BTBD7: variants seen among roughly 807,000 people sequenced by gnomAD.
The protein encoded by BTBD7 is BTB/POZ domain-containing protein 7.
Under a neutral mutation model 99.9 loss-of-function variants are expected in BTBD7, and 38 were observed. That is an observed-to-expected ratio of 0.38 (90% CI 0.29 to 0.50). The LOEUF is 0.50. BTBD7 is among the 20% of genes least tolerant of loss of function. The pLI is 0.93. For missense variants in BTBD7, 1,170 were observed against 1,394.6 expected (o/e 0.84, Z 2.57); for synonymous variants, 520 against 511.4 (o/e 1.02, Z -0.23).
chr14:93,312,065 T>C (rs752704719), intron 1 of BTBD7, among the ~76,000 whole-genome samples: 19 of 152,186 alleles, frequency 1.2e-4, no homozygotes, highest in Non-Finnish European at 2.4e-4. Flanking sequence ...TTATACAACA[T>C]TTTACATTCC....
intron 1 of BTBD7, among the ~76,000 whole-genome samples, chr14:93,318,705 G>A (rs1428671394): frequency 6.6e-6 from 1 of 152,198 alleles, no homozygotes. Context: ...GCACTTGAAT[G>A]AGGTTTACAT....
At chr14:93,269,421 CT>C (rs1334895182) in intron 3 of BTBD7, among the ~76,000 whole-genome samples, 5 of 152,144 alleles carry the variant, frequency 3.3e-5, no homozygotes, top group Non-Finnish European at 7.3e-5. Flanking sequence ...TGGACAAGTC[CT>C]GTAGGTACGA....
In BTBD7 at chr14:93,322,614, T is replaced by C. The variant is rs191512174; in HGVS notation, c.-107+10206A>G. Among the ~76,000 whole-genome samples the C allele has an allele frequency of 2.0e-4, 31 of 152,182 alleles. 1 individual carries two copies. In the East Asian group the frequency reaches 3.3e-3, roughly 16 times the overall value. On this transcript the variant is annotated intron_variant, in intron 1 of 10. Transcript: ENST00000334746. ...GCATTTACTTAATTTTCAAAGTGGA[T>C]AGAGAAATATAAAATGAGTAATTTT...
intron 3 of BTBD7, among the ~76,000 whole-genome samples, chr14:93,283,117 G>A (rs761175216): frequency 6.6e-6 from 1 of 152,116 alleles, no homozygotes; most frequent in African/African-American, 2.4e-5. Flanking sequence ...TGGCTCTGTC[G>A]CCCAGGTTGG....
chr14:93,333,000 T>C lies in BTBD7; in HGVS notation c.-287A>G, dbSNP rs1233659179. ...GCTCAGGCTCCGGGACTGCTCCAGG[T>C]TCCCCTCGCCGCCATTTTGACTCCT... is the stretch of plus-strand genomic sequence containing the variant. On this transcript the variant is annotated 5_prime_UTR_variant, in exon 1 of 11. Coordinates refer to ENST00000334746, the MANE Select transcript of BTBD7 (RefSeq NM_001002860.4). 1.8e-6 allele frequency: 1 copy of C among 541,192 alleles called. No individual in the cohort carries two copies. The highest frequency in any genetic ancestry group is 4.3e-5 in the Admixed American group (1 of 23,124). 33.5% of individuals were successfully genotyped at this position (541,192 alleles called of 1,614,324 possible). A position where few individuals can be genotyped will look rare whatever the true frequency, so the allele number is the denominator to read the frequency against.
chr14:93,261,405 G>A (rs2052487927), intron 5 of BTBD7, among the ~76,000 whole-genome samples, 197 bp downstream of exon 5: 1 of 152,130 alleles, frequency 6.6e-6, no homozygotes. Context: ...TTTTAAAGCT[G>A]CAAAATAAGA....
At chr14:93,264,629 C>T (rs1380131679) in intron 3 of BTBD7, among the ~76,000 whole-genome samples, 1 of 152,134 alleles carries the variant, frequency 6.6e-6, no homozygotes, top group African/African-American at 2.4e-5. Flanking sequence ...CTCAACTCTC[C>T]TCCTTAGGAA....
chr14:93,287,463 T>C (rs1435262092), intron 3 of BTBD7, among the ~76,000 whole-genome samples: 3 of 105,850 alleles, frequency 2.8e-5, no homozygotes, highest in Non-Finnish European at 4.4e-5. Context: ...TGTTTATAAT[T>C]AAATAGTGCT....
rs2139676441 is a variant in BTBD7 at position 93,246,121 on chromosome 14, G to T, written c.2287C>A (p.Pro763Thr). ...GGGGTAGCTGGGGGGTGGTAGGGAG[G>T]TGGTGGAGGGGGCAAGGGTGGATGG... ...AFHPPLPPPP[P>T]PYHPPATPIH... Residue 763 changes from proline to threonine, a missense_variant, in exon 10 of 11, where the codon CCT (proline) becomes ACT (threonine). Around this residue, in one of 4 missense-constraint regions of BTBD7, gnomAD observed 495 missense variants for 525.9 expected, o/e 0.94. Transcript: ENST00000334746. 1.4e-6 allele frequency: 2 copies of T among 1,398,156 alleles called. No homozygotes were observed. Among genetic ancestry groups the T allele is most frequent in the East Asian group, 2.8e-5 (1 of 35,196 alleles). The allele number at this position is 1,398,156 out of a possible 1,614,324, so 86.6% of individuals were successfully genotyped here.
At chr14:93,253,853 TAAAA>T (rs2052398333) in intron 6 of BTBD7, 63 bp from the exon 7 acceptor site, 1 of 679,332 alleles carries the variant, frequency 1.5e-6, no homozygotes, top group Non-Finnish European at 2.1e-6. Flanking sequence ...CTAAGATAAA[TAAAA>T]ATATTTATAA....
intron 3 of BTBD7, among the ~76,000 whole-genome samples, chr14:93,281,085 C>G (rs1322541107): frequency 6.6e-6 from 1 of 151,958 alleles, no homozygotes; most frequent in Non-Finnish European, 1.5e-5. Context: ...TCACTGCAAT[C>G]TGCGCTTCTT....
At position 93,288,508 on chromosome 14, in the gene BTBD7, C is replaced by T. The variant is rs1447923069; in HGVS notation, c.1162+5350G>A. 9.1e-6 allele frequency: 7 copies of T among 768,742 alleles called. 1 individual carries two copies. Among genetic ancestry groups the T allele is most frequent in the East Asian group, 7.3e-5 (3 of 41,202 alleles). The allele number at this position is 768,742 out of a possible 1,614,324, so 47.6% of individuals were successfully genotyped here. A position where few individuals can be genotyped will look rare whatever the true frequency, so the allele number is the denominator to read the frequency against. On this transcript the variant is annotated intron_variant, in intron 3 of 10. Transcript: ENST00000334746. ...TCTTTTATATAAGGATATTTTGATT[C>T]TACTGAAGTTTTCTTCTGCTCCCTT...
intron 1 of BTBD7, among the ~76,000 whole-genome samples, chr14:93,308,071 G>A (rs530332615): frequency 6.6e-6 from 1 of 152,152 alleles, no homozygotes; most frequent in South Asian, 2.1e-4. Context: ...GAGGTGGGCG[G>A]ATCATGAGGT....
At position 93,259,794 on chromosome 14, in the gene BTBD7, C is replaced by T. The variant is rs1036576927; in HGVS notation, c.1447+1808G>A. Among the ~76,000 whole-genome samples the T allele has an allele frequency of 4.1e-4, 62 of 152,164 alleles. 1 individual carries two copies. Among genetic ancestry groups the T allele is most frequent in the Admixed American group, 2.2e-3 (34 of 15,268 alleles). On this transcript the variant is annotated intron_variant, in intron 5 of 10. Coordinates refer to ENST00000334746, the MANE Select transcript of BTBD7 (RefSeq NM_001002860.4). Reference sequence around the variant, plus strand: ...ACTAAAAATACAAAAATTAGCCACGCGTGGTGGCACGTGCCTGTAATCCCA... The same window carrying T: ...ACTAAAAATACAAAAATTAGCCACGTGTGGTGGCACGTGCCTGTAATCCCA...
chr14:93,261,830 G>A (rs1467788328), intron 4 of BTBD7, among the ~76,000 whole-genome samples, 153 bp from the exon 5 acceptor site: 3 of 152,140 alleles, frequency 2.0e-5, no homozygotes, highest in Non-Finnish European at 2.9e-5. Context: ...TAAATCTGTG[G>A]TCCATCAACA....
At chr14:93,323,309 T>C (rs962956771) in intron 1 of BTBD7, among the ~76,000 whole-genome samples, 2 of 152,190 alleles carry the variant, frequency 1.3e-5, no homozygotes, top group African/African-American at 2.4e-5. Context: ...CCAAAGCCAA[T>C]AAATGATGAA....
intron 1 of BTBD7, among the ~76,000 whole-genome samples, chr14:93,321,507 C>T (rs1214834306): frequency 6.6e-6 from 1 of 152,184 alleles, no homozygotes; most frequent in Non-Finnish European, 1.5e-5. Flanking sequence ...GCAGGAGAAT[C>T]GCTTGAACCC....
chr14:93,289,578 T>C (rs1056738749), intron 3 of BTBD7, among the ~76,000 whole-genome samples: 5 of 152,220 alleles, frequency 3.3e-5, no homozygotes, highest in African/African-American at 9.6e-5. Flanking sequence ...ATCTTCCCCA[T>C]TGTTGTTTTC....
rs1555394531 is a variant in BTBD7, at chr14:93,331,889, C to CCCCA, written c.-107+930_-107+931insTGGG. ...GAGCGAGACTCCGTCTCCCCCCCCCCAAAAAGGTTGTTAGTTGAAAAAGCT... is the reference window on the plus strand; with the variant it reads ...GAGCGAGACTCCGTCTCCCCCCCCCCCCCAAAAAAGGTTGTTAGTTGAAAAAGCT... On this transcript the variant is annotated intron_variant, in intron 1 of 10. Coordinates refer to ENST00000334746, the MANE Select transcript of BTBD7 (RefSeq NM_001002860.4). Among the ~76,000 whole-genome samples, 349 of 141,172 alleles carry CCCCA rather than the reference C, an allele frequency of 2.5e-3. 18 individuals carry two copies. The highest frequency in any genetic ancestry group is 9.6e-3 in the African/African-American group (308 of 32,116). 92.6% of individuals were successfully genotyped at this position (141,172 alleles called of 152,430 possible).
Sources: gnomAD v4.1 joint callset for allele counts (sites outside exome capture counted in the v4.1 genomes callset) on GRCh38, gnomAD v4.1.1 for gene constraint, gnomAD v4.1.1 regional missense constraint, MANE v1.5 for transcripts, NCBI Gene and HGNC (gene_info 2026-07-23, HGNC 2026-07-21) for gene names.